The following DOCK10 variants were observed in gnomAD, a reference collection of about 807,000 sequenced individuals.
The protein encoded by DOCK10 is dedicator of cytokinesis protein 10.
DOCK10 carries 145 observed loss-of-function variants against 280.1 expected under a neutral mutation model. That is an observed-to-expected ratio of 0.52 (90% CI 0.45 to 0.59). The LOEUF is 0.59. Among genes scored for constraint, DOCK10 ranks in the 20% least tolerant of loss-of-function variants. The pLI, the probability that DOCK10 is intolerant of heterozygous loss-of-function variation, is 0.00. For synonymous variants in DOCK10, 915 were observed against 942.2 expected (o/e 0.97, Z 0.53); for missense variants, 2,368 against 2,651.7 (o/e 0.89, Z 2.35).
intron 1 of DOCK10, among the ~76,000 whole-genome samples, chr2:225,031,043 C>T (rs1270209054): frequency 6.6e-6 from 1 of 152,152 alleles, no homozygotes; most frequent in East Asian, 1.9e-4. Flanking sequence ...CTACTATGTG[C>T]CAAACATCTT....
At chr2:224,851,097 T>C (rs1410434589) in intron 18 of DOCK10, among the ~76,000 whole-genome samples, 1 of 152,170 alleles carries the variant, frequency 6.6e-6, no homozygotes. Context: ...AGCATGCTAC[T>C]ATTCTGTCCA....
chr2:224,961,472 C>CTTTT (rs1269859454), intron 1 of DOCK10, among the ~76,000 whole-genome samples: 1 of 102,940 alleles, frequency 9.7e-6, no homozygotes, highest in African/African-American at 3.7e-5. Context: ...CTTTCTTTTT[C>CTTTT]TTTCTTTCTT....
intron 1 of DOCK10, chr2:224,947,190 C>T (rs1277186025): frequency 4.1e-6 from 2 of 483,086 alleles, no homozygotes; most frequent in Non-Finnish European, 6.6e-6. Flanking sequence ...CCCTCTTCAC[C>T]TGCAATAAAG....
rs539149838 is a variant in DOCK10, at chr2:224,832,943, C to T, written c.2964+1207G>A. Reference sequence around the variant, plus strand: ...TATATATCTGCACATTCCACTGCTTCCAATCTCCTGAAACCCACCCACCCC... The same window carrying T: ...TATATATCTGCACATTCCACTGCTTTCAATCTCCTGAAACCCACCCACCCC... On this transcript the variant is annotated intron_variant, in intron 26 of 55. Coordinates refer to ENST00000258390, the MANE Select transcript of DOCK10 (RefSeq NM_014689.3). Among the ~76,000 whole-genome samples the T allele has an allele frequency of 5.3e-5, 8 of 152,288 alleles. No individual in the cohort carries two copies. In the South Asian group the frequency reaches 1.7e-3, roughly 32 times the overall value.
At chr2:225,021,092 C>G (rs1318977743) in intron 1 of DOCK10, among the ~76,000 whole-genome samples, 2 of 152,200 alleles carry the variant, frequency 1.3e-5, no homozygotes, top group African/African-American at 4.8e-5. Context: ...CATCGCTGCC[C>G]TGTTTAACAG....
At chr2:224,820,273 G>A (rs1356184051) in intron 28 of DOCK10, among the ~76,000 whole-genome samples, 1 of 152,222 alleles carries the variant, frequency 6.6e-6, no homozygotes, top group African/African-American at 2.4e-5. Flanking sequence ...ACAGTAAGTA[G>A]GCTTGGAGGA....
intron 14 of DOCK10, among the ~76,000 whole-genome samples, chr2:224,857,632 C>T (rs1697232235): frequency 6.6e-6 from 1 of 152,100 alleles, no homozygotes. Context: ...ACATAAATAG[C>T]TTTTGTCCAA....
At chr2:224,880,986 A>G (rs1698943275) in intron 7 of DOCK10, among the ~76,000 whole-genome samples, 1 of 152,130 alleles carries the variant, frequency 6.6e-6, no homozygotes, top group African/African-American at 2.4e-5. Flanking sequence ...TTAAATGGGT[A>G]CCTCCTATGT....
At chr2:224,784,564 T>G (rs1002099553) in intron 50 of DOCK10, among the ~76,000 whole-genome samples, 6 of 152,196 alleles carry the variant, frequency 3.9e-5, no homozygotes, top group African/African-American at 1.4e-4. Context: ...TAAACACAAC[T>G]TAGTTAAAGA....
chr2:224,906,611 T>G (rs1037085607), intron 3 of DOCK10, among the ~76,000 whole-genome samples: 2 of 152,198 alleles, frequency 1.3e-5, no homozygotes, highest in African/African-American at 4.8e-5. Context: ...CCCGAGTAGC[T>G]GGGACTACAG....
intron 47 of DOCK10, among the ~76,000 whole-genome samples, chr2:224,792,234 G>C (rs927485832): frequency 6.6e-6 from 1 of 152,126 alleles, no homozygotes. Flanking sequence ...GGAACATGCT[G>C]ATTATAAAGT....
At chr2:224,785,345 G>A (rs16866172) in intron 50 of DOCK10, among the ~76,000 whole-genome samples, 2,952 of 150,516 alleles carry the variant, frequency 0.02, 92 homozygotes, top group African/African-American at 0.063. Context: ...CAGACCATTC[G>A]TTTCTCTGTC....
Position 225,042,396 on chromosome 2 carries a change from C to A in DOCK10, c.-22G>T. 8.3e-7 allele frequency: 1 copy of A among 1,210,806 alleles called. No individual in the cohort carries two copies. The highest frequency in any genetic ancestry group is 1.0e-6 in the Non-Finnish European group (1 of 973,264). 75.0% of individuals were successfully genotyped at this position (1,210,806 alleles called of 1,614,324 possible). On this transcript the variant is annotated 5_prime_UTR_variant, in exon 1 of 56. Coordinates refer to ENST00000258390, the MANE Select transcript of DOCK10 (RefSeq NM_014689.3). This position sits in a 1 kb window ranked among gnomAD's most constrained non-coding sequence, Gnocchi z 5.1. ...CCATCGCCGGTCACGCCAATCGCGCCGCGGGCCCGGGGCGCGCCTCCCGCC... is the reference window on the plus strand; with the variant it reads ...CCATCGCCGGTCACGCCAATCGCGCAGCGGGCCCGGGGCGCGCCTCCCGCC...
chr2:224,914,572 T>C (rs1701208453), intron 3 of DOCK10, among the ~76,000 whole-genome samples: 1 of 152,194 alleles, frequency 6.6e-6, no homozygotes, highest in African/African-American at 2.4e-5. Flanking sequence ...ATGCATGTGA[T>C]AACAGGGCAG....
At position 224,896,299 on chromosome 2, in the gene DOCK10, G is replaced by A. The variant is rs1699985045; in HGVS notation, c.412C>T (p.Pro138Ser). The A allele has an allele frequency of 6.3e-7, 1 of 1,587,624 alleles. No homozygotes were observed. The highest frequency in any genetic ancestry group is 8.6e-7 in the Non-Finnish European group (1 of 1,159,596). ...EQYSGDIRQL[P>S]RAEYKPEKLP... ...GTGCTCATAACAGGTTCTTACCGGG[G>A]TAGCTGTCGAATGTCTCCAGAATAT... Residue 138 changes from proline to serine, a missense_variant, in exon 4 of 56, where the codon CCC (proline) becomes TCC (serine). Around this residue, in one of 2 missense-constraint regions of DOCK10, gnomAD observed 1,209 missense variants for 1,250.9 expected, o/e 0.97. Transcript: ENST00000258390.
intron 1 of DOCK10, among the ~76,000 whole-genome samples, chr2:224,956,175 T>C (rs550312349): frequency 1.3e-5 from 2 of 152,332 alleles, no homozygotes; most frequent in South Asian, 2.1e-4. Context: ...TGGACAATAG[T>C]AGGACTTTGA....
At chr2:225,017,577 A>C (rs1428020708) in intron 1 of DOCK10, among the ~76,000 whole-genome samples, 1 of 152,058 alleles carries the variant, frequency 6.6e-6, no homozygotes, top group East Asian at 1.9e-4. Context: ...ATCCTTCTCC[A>C]GCTTGCCCAT....
intron 4 of DOCK10, among the ~76,000 whole-genome samples, chr2:224,892,097 G>T (rs901383700): frequency 6.6e-6 from 1 of 152,044 alleles, no homozygotes; most frequent in Non-Finnish European, 1.5e-5. Context: ...GAGTGAAAAT[G>T]GTTGTTAAGA....
At chr2:224,833,131 A>G (rs1695343463) in intron 26 of DOCK10, among the ~76,000 whole-genome samples, 1 of 151,952 alleles carries the variant, frequency 6.6e-6, no homozygotes, top group African/African-American at 2.4e-5. Context: ...TTTTTATCCC[A>G]CTGTAGTCGA....
Sources: gnomAD v4.1 joint callset for allele counts (sites outside exome capture counted in the v4.1 genomes callset) on GRCh38, gnomAD v4.1.1 for gene constraint, gnomAD v4.1.1 regional missense constraint, Gnocchi (gnomAD v3.1) non-coding constraint, MANE v1.5 for transcripts, NCBI Gene and HGNC (gene_info 2026-07-23, HGNC 2026-07-21) for gene names.